Variants in C12orf54 observed in about 807,000 individuals in gnomAD.
C12orf54 encodes chromosome 12 open reading frame 54, also known as uncharacterized protein C12orf54.
Under a neutral mutation model 26.4 loss-of-function variants are expected in C12orf54, and 24 were observed. The ratio of observed to expected loss-of-function variants is 0.91; its 90% CI spans 0.66 to 1.28. The LOEUF is 1.28. C12orf54 is among the 50% of genes most tolerant of loss of function. The pLI is 0.00. For synonymous variants in C12orf54, 54 were observed against 47.0 expected (o/e 1.15, Z -0.61); for missense variants, 154 against 150.9 (o/e 1.02, Z -0.11).
At chr12:48,456,295 A>G in the C12orf54 span, among the ~76,000 whole-genome samples, 2 of 152,204 alleles carry the variant, frequency 1.3e-5, no homozygotes, top group Non-Finnish European at 2.9e-5. Context: ...AATGCAGTAT[A>G]GTAAGTTATA....
chr12:48,476,437 A>C, the C12orf54 span, among the ~76,000 whole-genome samples: 3 of 152,228 alleles, frequency 2.0e-5, no homozygotes, highest in Non-Finnish European at 4.4e-5. Context: ...TCCAATTAAA[A>C]GACACAGACT....
At chr12:48,471,466 A>G in the C12orf54 span, among the ~76,000 whole-genome samples, 1 of 152,088 alleles carries the variant, frequency 6.6e-6, no homozygotes, top group African/African-American at 2.4e-5. Context: ...TAGGATTTTT[A>G]TAGGTTGAAG....
chr12:48,472,842 T>C, the C12orf54 span: 1 of 1,614,042 alleles, frequency 6.2e-7, no homozygotes. Context: ...AATTGCAAAC[T>C]TGCCAAAGTT....
chr12:48,416,671 G>A, the C12orf54 span, among the ~76,000 whole-genome samples: 2 of 152,072 alleles, frequency 1.3e-5, no homozygotes, highest in Non-Finnish European at 2.9e-5. Flanking sequence ...AGACCAGCCT[G>A]GCCAACATGG....
At chr12:48,426,361 T>C in the C12orf54 span, among the ~76,000 whole-genome samples, 1 of 152,178 alleles carries the variant, frequency 6.6e-6, no homozygotes, top group East Asian at 1.9e-4. Context: ...CCATTGCTTC[T>C]TTTGTCATCT....
the C12orf54 span, among the ~76,000 whole-genome samples, chr12:48,475,141 T>G: frequency 6.6e-6 from 1 of 152,332 alleles, no homozygotes; most frequent in South Asian, 2.1e-4. Flanking sequence ...AAACAGGGTC[T>G]GGAGTGCACC....
At chr12:48,490,905 G>A in intron 6 of C12orf54, 69 bp downstream of exon 6, 1 of 1,551,150 alleles carries the variant, frequency 6.4e-7, no homozygotes, top group Non-Finnish European at 8.9e-7. Context: ...AAGTCTCATT[G>A]TATCCATTTG....
chr12:48,489,979 C>G (rs1937751581), intron 5 of C12orf54, among the ~76,000 whole-genome samples: 1 of 152,078 alleles, frequency 6.6e-6, no homozygotes, highest in Non-Finnish European at 1.5e-5. Context: ...ACCTCAGCCT[C>G]CCAAAGTGCT....
At chr12:48,431,353 T>C in the C12orf54 span, among the ~76,000 whole-genome samples, 1 of 152,228 alleles carries the variant, frequency 6.6e-6, no homozygotes, top group Admixed American at 6.5e-5. Context: ...TAGATGTGAT[T>C]ATCTGGGTAT....
At chr12:48,485,525 C>A (rs771948260) in intron 2 of C12orf54, among the ~76,000 whole-genome samples, 1 of 152,098 alleles carries the variant, frequency 6.6e-6, no homozygotes, top group Non-Finnish European at 1.5e-5. Flanking sequence ...TCAGGATCAG[C>A]GAGCATGGTA....
the C12orf54 span, among the ~76,000 whole-genome samples, chr12:48,449,841 A>T: frequency 7.4e-6 from 1 of 134,650 alleles, no homozygotes; most frequent in East Asian, 1.9e-4. Flanking sequence ...CCCAAATCTC[A>T]ACTTGAATTG....
At chr12:48,450,894 A>C in the C12orf54 span, among the ~76,000 whole-genome samples, 5 of 152,166 alleles carry the variant, frequency 3.3e-5, no homozygotes, top group Non-Finnish European at 7.4e-5. Context: ...ATTCTACCAG[A>C]GGTACAAAGA....
upstream of C12orf54, among the ~76,000 whole-genome samples, chr12:48,481,685 C>T (rs1231624351): frequency 6.6e-6 from 1 of 152,122 alleles, no homozygotes; most frequent in African/African-American, 2.4e-5. Flanking sequence ...GATTTTAGCC[C>T]TCTCCTTCTC....
At chr12:48,452,460 G>A in the C12orf54 span, among the ~76,000 whole-genome samples, 1 of 151,634 alleles carries the variant, frequency 6.6e-6, no homozygotes, top group Non-Finnish European at 1.5e-5. Flanking sequence ...AAAAGCAATT[G>A]CAACAAAAGC....
the C12orf54 span, among the ~76,000 whole-genome samples, chr12:48,421,603 C>T: frequency 7.1e-6 from 1 of 140,710 alleles, no homozygotes; most frequent in Non-Finnish European, 1.5e-5. Flanking sequence ...GATCTCAGCT[C>T]ACTGCAACCT....
intron 2 of C12orf54, 25 bp downstream of exon 2, chr12:48,483,386 A>T: frequency 6.2e-7 from 1 of 1,606,020 alleles, no homozygotes; most frequent in Non-Finnish European, 8.5e-7. Flanking sequence ...GATGACCCTC[A>T]AACATCCTTA....
the C12orf54 span, among the ~76,000 whole-genome samples, chr12:48,424,068 CATT>C: frequency 6.6e-6 from 1 of 152,018 alleles, no homozygotes; most frequent in African/African-American, 2.4e-5. Context: ...GGAAGATAAA[CATT>C]ATCAAAGACT....
At chr12:48,491,149 T>C (rs747796119) in intron 6 of C12orf54, among the ~76,000 whole-genome samples, 2 of 152,198 alleles carry the variant, frequency 1.3e-5, no homozygotes, top group Non-Finnish European at 2.9e-5. Context: ...CGGAATACCA[T>C]ACTGGGTAAT....
intron 8 of C12orf54, chr12:48,495,673 T>A (rs1266100682): frequency 1.3e-5 from 2 of 152,584 alleles, no homozygotes; most frequent in Admixed American, 6.5e-5. Flanking sequence ...GAATTCCTTT[T>A]AAGAAACAAT....
Sources: allele counts gnomAD v4.1 joint callset (sites outside exome capture counted in the v4.1 genomes callset), GRCh38; gene constraint gnomAD v4.1.1; transcripts MANE v1.5; gene names NCBI Gene and HGNC (gene_info 2026-07-23, HGNC 2026-07-21).